The following NAA35 variants were observed in gnomAD, a reference collection of about 807,000 sequenced individuals.
NAA35 encodes MAK10 homolog, amino-acid N-acetyltransferase subunit.
NAA35 carries 18 observed loss-of-function variants against 101.7 expected under a neutral mutation model. That is an observed-to-expected ratio of 0.18 (90% CI 0.12 to 0.26). NAA35 has a LOEUF of 0.26. Among genes scored for constraint, NAA35 ranks in the 10% least tolerant of loss-of-function variants. NAA35 has a pLI of 1.00. For synonymous variants in NAA35, 267 were observed against 273.1 expected, an observed-to-expected ratio of 0.98 and a Z score of 0.22; for missense variants, 601 against 886.8, an observed-to-expected ratio of 0.68 and a Z score of 4.09.
At chr9:85,980,877 A>C (rs1830410474) in intron 11 of NAA35, among the ~76,000 whole-genome samples, 1 of 152,106 alleles carries the variant, frequency 6.6e-6, no homozygotes, top group South Asian at 2.1e-4. Flanking sequence ...GAGGAAGAGA[A>C]ATTTATATGC....
At chr9:85,951,374 T>C (rs1829013066) in intron 2 of NAA35, among the ~76,000 whole-genome samples, 1 of 152,184 alleles carries the variant, frequency 6.6e-6, no homozygotes, top group African/African-American at 2.4e-5. Context: ...AAATTTGGCC[T>C]CACCAAATAT....
intron 17 of NAA35, chr9:86,015,836 T>C: frequency 9.4e-6 from 9 of 956,318 alleles, no homozygotes; most frequent in Non-Finnish European, 1.1e-5. Flanking sequence ...AATCCTTCAC[T>C]TGAATTAAGA....
chr9:85,965,464 C>A (rs1468222118), intron 6 of NAA35, among the ~76,000 whole-genome samples: 1 of 151,612 alleles, frequency 6.6e-6, no homozygotes. Flanking sequence ...CCTGTCTCTA[C>A]AAAAAATACA....
At position 86,025,122 on chromosome 9, in the gene NAA35, GTT is replaced by G. The variant is rs923418056; in HGVS notation, c.*3163_*3164del. Among the ~76,000 whole-genome samples the G allele has an allele frequency of 3.9e-5, 6 of 152,198 alleles. No homozygotes were observed. Among genetic ancestry groups the G allele is most frequent in the African/African-American group, 1.2e-4 (5 of 41,448 alleles). On this transcript the variant is annotated 3_prime_UTR_variant, in exon 23 of 23. Transcript: ENST00000361671. ...AATAAAGTGCACCCTGTTTGGAAAA[GTT>G]CAGGAGAGGTGGGTGTTTTCCTTGT...
intron 2 of NAA35, among the ~76,000 whole-genome samples, chr9:85,945,343 T>A (rs1248094365): frequency 6.6e-6 from 1 of 152,244 alleles, no homozygotes; most frequent in African/African-American, 2.4e-5. Context: ...TTGGCATTTC[T>A]TGAGCCTGTG....
intron 17 of NAA35, chr9:86,015,658 C>T: frequency 6.0e-6 from 5 of 829,934 alleles, no homozygotes; most frequent in Non-Finnish European, 7.3e-6. Context: ...AGAATATCAG[C>T]ACTCTCTTAG....
chr9:85,946,045 G>A (rs969559732), intron 2 of NAA35, among the ~76,000 whole-genome samples: 1 of 151,320 alleles, frequency 6.6e-6, no homozygotes, highest in Non-Finnish European at 1.5e-5. Context: ...TTATAATTTA[G>A]CCATTACTGT....
At chr9:85,958,986 C>G (rs1450609187) in intron 4 of NAA35, among the ~76,000 whole-genome samples, 1 of 152,098 alleles carries the variant, frequency 6.6e-6, no homozygotes, top group Non-Finnish European at 1.5e-5. Context: ...TTTGATTTTA[C>G]ATATTTTATA....
intron 16 of NAA35, among the ~76,000 whole-genome samples, chr9:86,013,447 G>T (rs1360605023): frequency 6.6e-6 from 1 of 152,146 alleles, no homozygotes. Flanking sequence ...GTTAATTTGT[G>T]TGCAGCAGCA....
At chr9:85,977,263 A>G in intron 9 of NAA35, 100 bp from the exon 10 acceptor site, 1 of 834,382 alleles carries the variant, frequency 1.2e-6, no homozygotes, top group South Asian at 1.4e-5. Context: ...GTAATGTAGT[A>G]AGTTATTAAC....
intron 12 of NAA35, among the ~76,000 whole-genome samples, chr9:86,001,738 C>G (rs1490967216): frequency 2.0e-5 from 3 of 152,116 alleles, no homozygotes; most frequent in Admixed American, 6.5e-5. Context: ...TTCCTCCATC[C>G]CTTTATTTTG....
chr9:85,966,000 A>ATGATC (rs1318659303), intron 6 of NAA35, among the ~76,000 whole-genome samples: 4 of 152,126 alleles, frequency 2.6e-5, no homozygotes, highest in Admixed American at 6.5e-5. Context: ...GTGCAGCGGC[A>ATGATC]TGATCGTAGC....
At chr9:85,958,862 G>A (rs939956723) in intron 4 of NAA35, among the ~76,000 whole-genome samples, 1 of 151,862 alleles carries the variant, frequency 6.6e-6, no homozygotes, top group South Asian at 2.1e-4. Context: ...TTGGCTTGGG[G>A]GTTAAATTTT....
At chr9:85,986,516 T>C (rs771385245) in intron 11 of NAA35, 29 of 460,594 alleles carry the variant, frequency 6.3e-5, no homozygotes, top group Non-Finnish European at 1.8e-5. Context: ...TCAGAGATAA[T>C]GTGTAAAACT....
At chr9:85,942,661 G>A (rs1828574406) in intron 2 of NAA35, among the ~76,000 whole-genome samples, 2 of 152,128 alleles carry the variant, frequency 1.3e-5, no homozygotes, top group South Asian at 4.1e-4. Context: ...CCTGTTGCAG[G>A]TAGAATAAAA....
chr9:85,975,267 A>G, intron 8 of NAA35, 110 bp downstream of exon 8: 3 of 1,000,698 alleles, frequency 3.0e-6, no homozygotes, highest in African/African-American at 1.7e-5. Flanking sequence ...TGTGCTTTGT[A>G]TTTTTTTTTT....
rs1283672044 is a variant in NAA35, at chr9:85,955,346, ATATATATATATATATTTT to A, written c.125-1012_125-995del. 2.8e-3 allele frequency among the ~76,000 whole-genome samples: 195 copies of A among 69,376 alleles called. 4 individuals carry two copies. The highest frequency in any genetic ancestry group is 0.015 in the African/African-American group (187 of 12,888). The allele number at this position is 69,376 out of a possible 152,430, so 45.5% of individuals were successfully genotyped here. On this transcript the variant is annotated intron_variant, in intron 2 of 22. Transcript: ENST00000361671. ...TATATACATATATATATATATATAT[ATATATATATATATATTTT>A]TTTTTTTTTTTTTCTTCAGACAGAG...
rs764155325 is a variant in NAA35 at position 86,024,876 on chromosome 9, A to C, written c.*2916A>C. Among the ~76,000 whole-genome samples, 1 of 152,006 alleles carries C rather than the reference A, an allele frequency of 6.6e-6. No homozygotes were observed. The highest frequency in any genetic ancestry group is 1.5e-5 in the Non-Finnish European group (1 of 68,000). On this transcript the variant is annotated 3_prime_UTR_variant, in exon 23 of 23. Coordinates refer to ENST00000361671, the MANE Select transcript of NAA35 (RefSeq NM_024635.4). Reference sequence around the variant, plus strand: ...AGGACTCAGTAACTATAGTCACTGTAATTTTCTGGGGGTTGCCATTGCTCA... The same window carrying C: ...AGGACTCAGTAACTATAGTCACTGTCATTTTCTGGGGGTTGCCATTGCTCA...
At position 86,022,067 on chromosome 9, in the gene NAA35, G is replaced by C. The variant is rs1832587256; in HGVS notation, c.*107G>C. On this transcript the variant is annotated 3_prime_UTR_variant, in exon 23 of 23. Coordinates refer to ENST00000361671, the MANE Select transcript of NAA35 (RefSeq NM_024635.4). ...TCACGGGAAGTGAGATGGATTTCTT[G>C]GGTAACAACTCATTATAAGGAATAC... The C allele has an allele frequency of 3.6e-5, 29 of 798,032 alleles. No individual in the cohort carries two copies. In the South Asian group the frequency reaches 4.8e-4, roughly 13 times the overall value. 49.4% of individuals were successfully genotyped at this position (798,032 alleles called of 1,614,324 possible). A position where few individuals can be genotyped will look rare whatever the true frequency, so the allele number is the denominator to read the frequency against.
Sources: allele counts gnomAD v4.1 joint callset (sites outside exome capture counted in the v4.1 genomes callset), GRCh38; gene constraint gnomAD v4.1.1; transcripts MANE v1.5; gene names NCBI Gene and HGNC (gene_info 2026-07-23, HGNC 2026-07-21).